Variants in CHCHD3 observed in about 807,000 individuals in gnomAD.
CHCHD3 encodes coiled-coil-helix-coiled-coil-helix domain containing 3.
In CHCHD3, 20 loss-of-function variants were observed where a neutral mutation model predicts 38.2. That is an observed-to-expected ratio of 0.52 (90% CI 0.37 to 0.76). The LOEUF (loss-of-function observed/expected upper bound fraction) is 0.76, where lower values mean the gene tolerates loss of function less well. Ranked by LOEUF, CHCHD3 falls within the 30% of genes least tolerant of loss-of-function variation. The pLI is 0.00. For synonymous variants in CHCHD3, 82 were observed against 100.0 expected (o/e 0.82, Z 1.07); for missense variants, 245 against 279.2 (o/e 0.88, Z 0.87).
intron 4 of CHCHD3, among the ~76,000 whole-genome samples, chr7:132,904,093 C>T (rs999101834): frequency 6.6e-6 from 1 of 151,834 alleles, no homozygotes; most frequent in African/African-American, 2.4e-5. Context: ...CTCATCTCTA[C>T]AAAAGATTTA....
chr7:132,969,766 AT>A, intron 4 of CHCHD3, among the ~76,000 whole-genome samples: 1 of 152,168 alleles, frequency 6.6e-6, no homozygotes, highest in Non-Finnish European at 1.5e-5. Flanking sequence ...GCTTCCAGCC[AT>A]TTCCTCCTCT....
chr7:132,807,606 AATATAT>A (rs55835343), intron 6 of CHCHD3, among the ~76,000 whole-genome samples: 8,622 of 108,680 alleles, frequency 0.079, 382 homozygotes, highest in African/African-American at 0.11. Flanking sequence ...CATACACATA[AATATAT>A]ATATATATAT....
At chr7:132,978,894 G>A (rs1811843092) in intron 3 of CHCHD3, among the ~76,000 whole-genome samples, 1 of 152,214 alleles carries the variant, frequency 6.6e-6, no homozygotes, top group East Asian at 1.9e-4. Flanking sequence ...AAATAGAACT[G>A]CACAAATTCT....
At chr7:133,072,388 C>G (rs944437655) in intron 1 of CHCHD3, among the ~76,000 whole-genome samples, 10 of 152,234 alleles carry the variant, frequency 6.6e-5, no homozygotes, top group African/African-American at 2.2e-4. Flanking sequence ...AGGCACTTCA[C>G]TTATTTACTC....
At chr7:132,982,691 A>T (rs1811949496) in intron 3 of CHCHD3, among the ~76,000 whole-genome samples, 1 of 152,254 alleles carries the variant, frequency 6.6e-6, no homozygotes, top group Admixed American at 6.5e-5. Flanking sequence ...TAACTCATTT[A>T]ATCCTCACAA....
chr7:133,024,699 G>C (rs1315954111), intron 2 of CHCHD3, 72 bp from the exon 3 acceptor site: 3 of 1,148,784 alleles, frequency 2.6e-6, no homozygotes, highest in Non-Finnish European at 3.9e-6. Flanking sequence ...AAATACTCAG[G>C]AAAGCCCGGC....
chr7:132,811,956 G>T (rs1375936442), intron 6 of CHCHD3, among the ~76,000 whole-genome samples: 23 of 152,040 alleles, frequency 1.5e-4, no homozygotes. Flanking sequence ...TCTTATAGGT[G>T]ACTGACTATT....
At chr7:132,996,219 G>A (rs1221935881) in intron 3 of CHCHD3, among the ~76,000 whole-genome samples, 5 of 152,074 alleles carry the variant, frequency 3.3e-5, no homozygotes, top group African/African-American at 1.2e-4. Flanking sequence ...TTCCCCTAAT[G>A]AAGCCCACCC....
At chr7:132,793,260 T>C (rs1352204163) in intron 7 of CHCHD3, among the ~76,000 whole-genome samples, 1 of 152,084 alleles carries the variant, frequency 6.6e-6, no homozygotes, top group East Asian at 1.9e-4. Flanking sequence ...GTATCAAAGG[T>C]AAGAAGAGGT....
chr7:132,887,351 T>C (rs982278910), intron 4 of CHCHD3, among the ~76,000 whole-genome samples: 3 of 151,350 alleles, frequency 2.0e-5, no homozygotes, highest in East Asian at 1.9e-4. Context: ...AAACAAAAAG[T>C]AAATGAATTT....
intron 4 of CHCHD3, among the ~76,000 whole-genome samples, chr7:132,928,295 T>C (rs1232647347): frequency 6.6e-6 from 1 of 152,192 alleles, no homozygotes; most frequent in Non-Finnish European, 1.5e-5. Context: ...GCAATATCAA[T>C]ATCTGATTAG....
chr7:132,885,315 A>AT (rs1402736763), intron 5 of CHCHD3, among the ~76,000 whole-genome samples: 1 of 152,182 alleles, frequency 6.6e-6, no homozygotes, highest in Non-Finnish European at 1.5e-5. Flanking sequence ...AAACACTACC[A>AT]TTTTTAAGAG....
intron 4 of CHCHD3, among the ~76,000 whole-genome samples, chr7:132,971,247 A>T (rs1811605580): frequency 6.6e-6 from 1 of 152,154 alleles, no homozygotes; most frequent in South Asian, 2.1e-4. Flanking sequence ...TAAGAAGCAT[A>T]TTTTGAACGT....
intron 6 of CHCHD3, among the ~76,000 whole-genome samples, chr7:132,810,092 AT>A (rs923162140): frequency 6.6e-6 from 1 of 152,212 alleles, no homozygotes; most frequent in African/African-American, 2.4e-5. Flanking sequence ...TGAGTTGCTA[AT>A]TCGTAATATC....
intron 5 of CHCHD3, among the ~76,000 whole-genome samples, chr7:132,856,022 C>T (rs989793243): frequency 3.3e-5 from 5 of 152,162 alleles, no homozygotes; most frequent in Non-Finnish European, 5.9e-5. Flanking sequence ...ATCTTTGCCA[C>T]GTGGCTTTTC....
intron 2 of CHCHD3, among the ~76,000 whole-genome samples, chr7:133,062,589 A>G (rs1386640157): frequency 6.6e-6 from 1 of 152,194 alleles, no homozygotes; most frequent in Non-Finnish European, 1.5e-5. Context: ...ATTTAAAGTT[A>G]GTGTCCAGAA....
intron 4 of CHCHD3, among the ~76,000 whole-genome samples, chr7:132,948,301 T>G (rs1810946890): frequency 6.6e-6 from 1 of 152,050 alleles, no homozygotes; most frequent in Non-Finnish European, 1.5e-5. Context: ...TGAAGATTTA[T>G]CACCTTGGAG....
At chr7:132,948,766 T>C (rs1810964683) in intron 4 of CHCHD3, among the ~76,000 whole-genome samples, 1 of 152,186 alleles carries the variant, frequency 6.6e-6, no homozygotes, top group African/African-American at 2.4e-5. Context: ...GAAGACATTT[T>C]CTGTAATTAA....
At chr7:132,833,107 T>G (rs1351026349) in intron 6 of CHCHD3, among the ~76,000 whole-genome samples, 1 of 152,236 alleles carries the variant, frequency 6.6e-6, no homozygotes, top group African/African-American at 2.4e-5. Flanking sequence ...AATAATACTT[T>G]GTTTAATTAA....
Sources: allele counts gnomAD v4.1 joint callset (sites outside exome capture counted in the v4.1 genomes callset), GRCh38; gene constraint gnomAD v4.1.1; transcripts MANE v1.5; gene names NCBI Gene and HGNC (gene_info 2026-07-23, HGNC 2026-07-21).